Variants in WBP1L observed in about 807,000 individuals in gnomAD.
The protein encoded by WBP1L is WW domain binding protein 1-like.
In WBP1L, 17 loss-of-function variants were observed where a neutral mutation model predicts 33.7. That is an observed-to-expected ratio of 0.50 (90% confidence interval 0.34 to 0.76). The LOEUF (loss-of-function observed/expected upper bound fraction) is 0.76, where lower values mean the gene tolerates loss of function less well. WBP1L is among the 30% of genes least tolerant of loss of function. The pLI is 0.01. For synonymous variants in WBP1L, 173 were observed against 190.8 expected (o/e 0.91, Z 0.77); for missense variants, 389 against 469.4 (o/e 0.83, Z 1.58).
chr10:102,805,650 T>C (rs1843721793), intron 2 of WBP1L, among the ~76,000 whole-genome samples: 1 of 152,066 alleles, frequency 6.6e-6, no homozygotes, highest in Non-Finnish European at 1.5e-5. Flanking sequence ...CCCAGCACTT[T>C]GGGAGGCTGA....
At chr10:102,751,978 G>T (rs995756733) in intron 1 of WBP1L, among the ~76,000 whole-genome samples, 2 of 152,202 alleles carry the variant, frequency 1.3e-5, no homozygotes, top group African/African-American at 4.8e-5. Flanking sequence ...ATTATGGTTT[G>T]TAAGTTAGTG....
chr10:102,784,427 T>C (rs892101128), intron 1 of WBP1L, among the ~76,000 whole-genome samples: 9 of 143,970 alleles, frequency 6.3e-5, no homozygotes, highest in East Asian at 2.0e-4. Flanking sequence ...GTTTCTTTTT[T>C]TTTTTTTTTT....
At chr10:102,745,003 T>G (rs1183902868) in intron 1 of WBP1L, among the ~76,000 whole-genome samples, 2 of 152,214 alleles carry the variant, frequency 1.3e-5, no homozygotes, top group Admixed American at 1.3e-4. Context: ...TGGTGCCAAG[T>G]TGGGTGGGGT....
chr10:102,765,635 T>G (rs1340692032), intron 1 of WBP1L, among the ~76,000 whole-genome samples: 1 of 152,200 alleles, frequency 6.6e-6, no homozygotes, highest in Non-Finnish European at 1.5e-5. Context: ...CTGTGAGGGA[T>G]ATGGAAGTGA....
chr10:102,776,009 C>A, intron 1 of WBP1L: 2 of 792,848 alleles, frequency 2.5e-6, no homozygotes, highest in Non-Finnish European at 3.1e-6. Context: ...TGGGCTCTGG[C>A]TCTAGGTGGG....
intron 3 of WBP1L, among the ~76,000 whole-genome samples, chr10:102,811,182 C>T (rs530631352): frequency 2.6e-5 from 4 of 152,080 alleles, no homozygotes; most frequent in East Asian, 3.9e-4. Context: ...GAGGCCGAGG[C>T]GGGCAGATCA....
At chr10:102,792,592 C>CTTTTTTTT (rs11368357) in intron 1 of WBP1L, among the ~76,000 whole-genome samples, 3 of 103,586 alleles carry the variant, frequency 2.9e-5, no homozygotes, top group African/African-American at 6.9e-5. Context: ...TTTTTCTTTT[C>CTTTTTTTT]TTTTTTTTTT....
chr10:102,810,485 CCTTCCCTCCTTCCTTCCT>C, intron 3 of WBP1L, among the ~76,000 whole-genome samples: 1 of 37,636 alleles, frequency 2.7e-5, no homozygotes, highest in Non-Finnish European at 6.8e-5. Context: ...CTCCTTCCTT[CCTTCCCTCCTTCCTTCCT>C]TCCTTCCTTC....
Position 102,813,814 on chromosome 10 carries a change from T to C in WBP1L, c.*483T>C, listed in dbSNP as rs1332153050. The C allele has an allele frequency of 6.3e-6, 1 of 159,108 alleles. No homozygotes were observed. Among genetic ancestry groups the C allele is most frequent in the Non-Finnish European group, 1.4e-5 (1 of 72,226 alleles). 9.9% of individuals were successfully genotyped at this position (159,108 alleles called of 1,614,324 possible). Reference sequence around the variant, plus strand: ...AGGAAACCCACAGAGGCCCAGGGCTTGTCATTGGGCTGCCAGTGTCTGCCA... The same window carrying C: ...AGGAAACCCACAGAGGCCCAGGGCTCGTCATTGGGCTGCCAGTGTCTGCCA... On this transcript the variant is annotated 3_prime_UTR_variant, in exon 4 of 4. Coordinates refer to ENST00000448841, the MANE Select transcript of WBP1L (RefSeq NM_001083913.2).
At chr10:102,786,695 T>A (rs749592044) in intron 1 of WBP1L, among the ~76,000 whole-genome samples, 1 of 152,232 alleles carries the variant, frequency 6.6e-6, no homozygotes, top group South Asian at 2.1e-4. Context: ...TGTTAGTCTT[T>A]GGGAGGGACC....
At chr10:102,776,315 G>C (rs1429146467) in intron 1 of WBP1L, 14 of 1,613,204 alleles carry the variant, frequency 8.7e-6, no homozygotes, top group Middle Eastern at 1.6e-4. Flanking sequence ...GGCCCACCAG[G>C]GGCAATGCTC....
chr10:102,751,890 G>A (rs1334080390), intron 1 of WBP1L, among the ~76,000 whole-genome samples: 1 of 152,134 alleles, frequency 6.6e-6, no homozygotes, highest in Non-Finnish European at 1.5e-5. Flanking sequence ...TATATGTAAA[G>A]CTCTTGGAAT....
At chr10:102,766,269 C>T (rs1273057743) in intron 1 of WBP1L, among the ~76,000 whole-genome samples, 1 of 151,864 alleles carries the variant, frequency 6.6e-6, no homozygotes, top group Non-Finnish European at 1.5e-5. Flanking sequence ...TGGAAAAACC[C>T]CATCTCTACT....
In WBP1L at chr10:102,759,054, G is replaced by T. The variant is rs569476654; in HGVS notation, c.90+14911G>T. Among the ~76,000 whole-genome samples the T allele has an allele frequency of 3.3e-5, 5 of 152,312 alleles. No homozygotes were observed. In the East Asian group the frequency reaches 9.6e-4, roughly 29 times the overall value. On this transcript the variant is annotated intron_variant, in intron 1 of 3. Transcript: ENST00000448841. ...CTGAAGCACAGCACCACAGGGAGGGGTTTAGGACTCCGGATGACTGTGGGC... is the reference window on the plus strand; with the variant it reads ...CTGAAGCACAGCACCACAGGGAGGGTTTTAGGACTCCGGATGACTGTGGGC...
At chr10:102,785,615 C>T (rs1352370789) in intron 1 of WBP1L, among the ~76,000 whole-genome samples, 1 of 152,196 alleles carries the variant, frequency 6.6e-6, no homozygotes, top group Non-Finnish European at 1.5e-5. Context: ...AGTGATACAA[C>T]TGTGGGAAGA....
At chr10:102,760,852 T>G (rs1843029704) in intron 1 of WBP1L, among the ~76,000 whole-genome samples, 1 of 152,144 alleles carries the variant, frequency 6.6e-6, no homozygotes, top group Admixed American at 6.5e-5. Context: ...GAATCTTTTA[T>G]CCAATATATA....
At chr10:102,745,891 A>T (rs1426196319) in intron 1 of WBP1L, among the ~76,000 whole-genome samples, 1 of 152,202 alleles carries the variant, frequency 6.6e-6, no homozygotes, top group Admixed American at 6.5e-5. Flanking sequence ...TGTTTACTAG[A>T]AATGTTATAG....
chr10:102,754,029 C>T (rs1842948069), intron 1 of WBP1L, among the ~76,000 whole-genome samples: 1 of 152,176 alleles, frequency 6.6e-6, no homozygotes, highest in Middle Eastern at 3.2e-3. Context: ...TAAAATTCCA[C>T]CTGACAGTTT....
intron 1 of WBP1L, among the ~76,000 whole-genome samples, chr10:102,780,315 A>G (rs576990616): frequency 5.3e-5 from 8 of 152,316 alleles, no homozygotes; most frequent in Admixed American, 4.6e-4. Flanking sequence ...CAAATTTTAG[A>G]TATAACAAAC....
Sources: gnomAD v4.1 joint callset for allele counts (sites outside exome capture counted in the v4.1 genomes callset) on GRCh38, gnomAD v4.1.1 for gene constraint, MANE v1.5 for transcripts, NCBI Gene and HGNC (gene_info 2026-07-23, HGNC 2026-07-21) for gene names.